GLI2: variants seen among roughly 807,000 people sequenced by gnomAD.
GLI2 encodes the protein GLI family zinc finger 2, also known as transcription activator GLI2.
Under a neutral mutation model 78.9 loss-of-function variants are expected in GLI2, and 22 were observed. That is an observed-to-expected ratio of 0.28 (90% CI 0.20 to 0.40). The LOEUF (loss-of-function observed/expected upper bound fraction) is 0.40, where lower values mean the gene tolerates loss of function less well. Ranked by LOEUF, GLI2 falls within the 10% of genes least tolerant of loss-of-function variation. The pLI is 1.00. For missense variants in GLI2, 2,097 were observed against 2,213.2 expected (o/e 0.95, Z 1.05); for synonymous variants, 974 against 963.7 (o/e 1.01, Z -0.20).
rs549253636 is a variant in GLI2 at position 120,810,532 on chromosome 2, C to T, written c.148+13064C>T. On this transcript the variant is annotated intron_variant, in intron 2 of 13. Transcript: ENST00000361492. ...CTCAGGGAGGCCCAGCCAACAGCCT[C>T]TCTCCTCTCCCTGGCCCTGTGCTAC... Among the ~76,000 whole-genome samples the T allele has an allele frequency of 7.0e-4, 107 of 152,276 alleles. 1 individual carries two copies. The highest frequency in any genetic ancestry group is 1.3e-3 in the African/African-American group (52 of 41,554).
chr2:120,797,311 A>C lies in GLI2; in HGVS notation c.-10A>C. 6.2e-7 allele frequency: 1 copy of C among 1,613,804 alleles called. No homozygotes were observed. Among genetic ancestry groups the C allele is most frequent in the South Asian group, 1.1e-5 (1 of 91,046 alleles). On this transcript the variant is annotated 5_prime_UTR_variant, in exon 2 of 14. Coordinates refer to ENST00000361492, the MANE Select transcript of GLI2 (RefSeq NM_001374353.1). The stretch of plus-strand genomic sequence containing the variant: ...TTTAGGATTGCCACCCAGGACGATG[A>C]GCGGCTGAGATGGAGACGTCTGCCT...
chr2:120,897,069 A>G (rs902821873), intron 2 of GLI2, among the ~76,000 whole-genome samples: 5 of 152,170 alleles, frequency 3.3e-5, no homozygotes, highest in Non-Finnish European at 4.4e-5. Flanking sequence ...AGATTCCTGC[A>G]CTGTTCCCCA....
chr2:120,875,554 G>A (rs937424919), intron 2 of GLI2, among the ~76,000 whole-genome samples: 1 of 152,246 alleles, frequency 6.6e-6, no homozygotes, highest in African/African-American at 2.4e-5. Flanking sequence ...GCCCTGTGCC[G>A]AGTGCTAACG....
chr2:120,844,109 C>T (rs989497832), intron 2 of GLI2, among the ~76,000 whole-genome samples: 14 of 152,144 alleles, frequency 9.2e-5, no homozygotes, highest in African/African-American at 3.4e-4. Flanking sequence ...GCAGAGGGTG[C>T]TTGACATTTT....
At chr2:120,879,315 TG>T (rs1213484042) in intron 2 of GLI2, among the ~76,000 whole-genome samples, 3 of 152,142 alleles carry the variant, frequency 2.0e-5, no homozygotes, top group African/African-American at 7.2e-5. Flanking sequence ...AGCTGAGTGT[TG>T]GGAAGGGCTG....
In GLI2 at chr2:120,737,016, C is replaced by T. The variant is rs190600509; in HGVS notation, c.-31+731C>T. ...CCTCACTTTCATCCCTGCCCCCCTA[C>T]TCATCGTCTCTCCCCACCCCCGACA... is the stretch of plus-strand genomic sequence containing the variant. On this transcript the variant is annotated intron_variant, in intron 1 of 13. Coordinates refer to ENST00000361492, the MANE Select transcript of GLI2 (RefSeq NM_001374353.1). The surrounding 1 kb of genome is among the most constrained non-coding windows in gnomAD (Gnocchi z 4.3). 7.1e-3 allele frequency among the ~76,000 whole-genome samples: 1,088 copies of T among 152,192 alleles called. 12 individuals carry two copies. Among genetic ancestry groups the T allele is most frequent in the Admixed American group, 0.015 (222 of 15,292 alleles).
intron 1 of GLI2, among the ~76,000 whole-genome samples, chr2:120,736,614 C>T (rs554665782): frequency 8.0e-4 from 122 of 151,778 alleles, no homozygotes; most frequent in African/African-American, 2.6e-3. Flanking sequence ...CCTCCGCGCG[C>T]CGGCGGGGGT....
chr2:120,743,679 C>T (rs1682617080), intron 1 of GLI2, among the ~76,000 whole-genome samples: 1 of 152,166 alleles, frequency 6.6e-6, no homozygotes, highest in African/African-American at 2.4e-5. Context: ...TGGAGTTATC[C>T]CCAGGGACTG....
chr2:120,972,723 G>T, intron 8 of GLI2: 2 of 516,980 alleles, frequency 3.9e-6, no homozygotes, highest in South Asian at 2.8e-5. Flanking sequence ...GCACATTTGA[G>T]TCAGTGAGTG....
At chr2:120,771,184 G>T (rs1034798010) in intron 1 of GLI2, among the ~76,000 whole-genome samples, 3 of 152,222 alleles carry the variant, frequency 2.0e-5, no homozygotes, top group African/African-American at 7.2e-5. Flanking sequence ...TCTGCATGAG[G>T]AGGCGGGCCG....
chr2:120,988,750 T>TATGGCC lies in GLI2; in HGVS notation c.2787_2792dup (p.Gly932_His933dup), dbSNP rs1462795542. The TATGGCC allele has an allele frequency of 3.3e-6, 4 of 1,230,670 alleles. No individual in the cohort carries two copies. In the East Asian group the frequency reaches 1.3e-4, roughly 39 times the overall value. The allele number at this position is 1,230,670 out of a possible 1,614,324, so 76.2% of individuals were successfully genotyped here. ...GCGGCGTGGCAGCGACGGGCCGACC[T>TATGGCC]ATGGCCACGGCCACGCGGGGGCTGC... On this transcript the variant is annotated inframe_insertion, in exon 14 of 14. Transcript: ENST00000361492.
chr2:120,926,317 T>C (rs994696377), intron 2 of GLI2, among the ~76,000 whole-genome samples: 3 of 152,062 alleles, frequency 2.0e-5, no homozygotes, highest in African/African-American at 7.2e-5. Context: ...CAGATGGAGG[T>C]CAGGAGTTCG....
At chr2:120,805,165 G>T (rs1395856302) in intron 2 of GLI2, among the ~76,000 whole-genome samples, 2 of 152,242 alleles carry the variant, frequency 1.3e-5, no homozygotes, top group African/African-American at 4.8e-5. Context: ...CTGCCGTCCA[G>T]AATCAGCCTG....
At chr2:120,875,711 G>T (rs1017953135) in intron 2 of GLI2, among the ~76,000 whole-genome samples, 6 of 152,026 alleles carry the variant, frequency 3.9e-5, no homozygotes, top group Non-Finnish European at 5.9e-5. Flanking sequence ...AACCCCAGGA[G>T]GATTCTAGTG....
At chr2:120,974,733 G>T (rs1282231287) in intron 8 of GLI2, among the ~76,000 whole-genome samples, 3 of 152,260 alleles carry the variant, frequency 2.0e-5, no homozygotes, top group African/African-American at 7.2e-5. Context: ...GACAAGGAGA[G>T]CTGTGGGCGG....
chr2:120,834,260 G>A (rs1573451904), intron 2 of GLI2, among the ~76,000 whole-genome samples: 1 of 152,338 alleles, frequency 6.6e-6, no homozygotes, highest in Non-Finnish European at 1.5e-5. Flanking sequence ...ATCAGGGTCA[G>A]TCAGTGAGGC....
chr2:120,804,338 C>T (rs982019870), intron 2 of GLI2, among the ~76,000 whole-genome samples: 42 of 152,192 alleles, frequency 2.8e-4, no homozygotes, highest in African/African-American at 8.9e-4. Context: ...TGCTTGTTCA[C>T]CACTGTCCCC....
intron 4 of GLI2, among the ~76,000 whole-genome samples, chr2:120,953,892 A>AGCT (rs1381602293): frequency 2.0e-5 from 3 of 152,156 alleles, no homozygotes; most frequent in Admixed American, 6.5e-5. Flanking sequence ...GGTGAGACAG[A>AGCT]GCTGCCCCTG....
chr2:120,908,382 C>G (rs1356630374), intron 2 of GLI2, among the ~76,000 whole-genome samples: 1 of 152,206 alleles, frequency 6.6e-6, no homozygotes. Flanking sequence ...CTCTGGTGGG[C>G]AGCTGCATGG....
Sources: gnomAD v4.1 joint callset for allele counts (sites outside exome capture counted in the v4.1 genomes callset) on GRCh38, gnomAD v4.1.1 for gene constraint, Gnocchi (gnomAD v3.1) non-coding constraint, MANE v1.5 for transcripts, NCBI Gene and HGNC (gene_info 2026-07-23, HGNC 2026-07-21) for gene names.